The following LANCL2 variants were observed in gnomAD, a reference collection of about 807,000 sequenced individuals.
LANCL2 encodes the protein LanC like glutathione S-transferase 2, also known as lanC-like protein 2.
Under a neutral mutation model 56.9 loss-of-function variants are expected in LANCL2, and 33 were observed. That is an observed-to-expected ratio of 0.58 (90% CI 0.44 to 0.78). The LOEUF (loss-of-function observed/expected upper bound fraction) is 0.78, where lower values mean the gene tolerates loss of function less well. LANCL2 is among the 30% of genes least tolerant of loss of function. The pLI, the probability that LANCL2 is intolerant of heterozygous loss-of-function variation, is 0.00. For missense variants in LANCL2, 562 were observed against 580.2 expected, an observed-to-expected ratio of 0.97 and a Z score of 0.32; for synonymous variants, 233 against 228.2, an observed-to-expected ratio of 1.02 and a Z score of -0.19.
Position 55,386,405 on chromosome 7 carries a change from C to G in LANCL2, c.205-5388C>G, listed in dbSNP as rs182234088. 6.6e-5 allele frequency among the ~76,000 whole-genome samples: 10 copies of G among 152,306 alleles called. 1 individual carries two copies. In the East Asian group the frequency reaches 1.9e-3, roughly 29 times the overall value. On this transcript the variant is annotated intron_variant, in intron 1 of 8. Coordinates refer to ENST00000254770, the MANE Select transcript of LANCL2 (RefSeq NM_018697.4). ...CACATTCTTCTCTCATGGCTTCAGC[C>G]GGTCCCTCTGTTTGGGGGTCCCTGA...
intron 5 of LANCL2, among the ~76,000 whole-genome samples, chr7:55,406,649 A>G (rs1277678578): frequency 1.3e-5 from 2 of 152,222 alleles, no homozygotes; most frequent in Admixed American, 6.5e-5. Flanking sequence ...TTAGTCATGT[A>G]AAAGTGGTAG....
At chr7:55,417,909 A>C (rs752368164) in intron 6 of LANCL2, among the ~76,000 whole-genome samples, 1 of 151,900 alleles carries the variant, frequency 6.6e-6, no homozygotes. Context: ...CAAACTCCTG[A>C]GCTCAAGTGA....
At position 55,391,887 on chromosome 7, in the gene LANCL2, G is replaced by A; in HGVS notation, c.299G>A (p.Cys100Tyr). The A allele has an allele frequency of 5.6e-6, 9 of 1,603,426 alleles. No individual in the cohort carries two copies. Among genetic ancestry groups the A allele is most frequent in the East Asian group, 2.2e-5 (1 of 44,776 alleles). Residue 100 changes from cysteine to tyrosine, a missense_variant, in exon 2 of 9, where the codon TGC (cysteine) becomes TAC (tyrosine). Coordinates refer to ENST00000254770, the MANE Select transcript of LANCL2 (RefSeq NM_018697.4). The part of the protein sequence containing the change: ...EGLKTADPHD[C>Y]SAYTGWTGIA... ...CTGAAGACAGCTGATCCCCATGACT[G>A]CTCTGCTTATACTGGCTGGACAGGT...
chr7:55,396,795 G>T (rs115016077), intron 2 of LANCL2, among the ~76,000 whole-genome samples: 1,858 of 152,172 alleles, frequency 0.012, 37 homozygotes, highest in African/African-American at 0.043. Context: ...AGGTTCATAG[G>T]TTAATCAGAT....
chr7:55,409,329 T>C (rs1041323323), intron 5 of LANCL2, among the ~76,000 whole-genome samples: 1 of 151,854 alleles, frequency 6.6e-6, no homozygotes, highest in Non-Finnish European at 1.5e-5. Flanking sequence ...GACCTCATGA[T>C]CCACCCGCCT....
chr7:55,371,379 A>G (rs989983681), intron 1 of LANCL2, among the ~76,000 whole-genome samples: 2 of 152,182 alleles, frequency 1.3e-5, no homozygotes, highest in African/African-American at 4.8e-5. Flanking sequence ...AGGTACCACC[A>G]TGCCCAACTA....
intron 1 of LANCL2, among the ~76,000 whole-genome samples, chr7:55,373,540 C>A (rs553391383): frequency 6.6e-6 from 1 of 152,212 alleles, no homozygotes; most frequent in African/African-American, 2.4e-5. Context: ...AGCAATTCTC[C>A]TGTCCTGCCT....
intron 5 of LANCL2, among the ~76,000 whole-genome samples, chr7:55,405,124 C>T (rs1376700086): frequency 2.0e-5 from 3 of 152,224 alleles, no homozygotes; most frequent in African/African-American, 7.2e-5. Context: ...CATCTACAGT[C>T]CTAAGACCTG....
At chr7:55,401,742 C>G (rs554908020) in intron 5 of LANCL2, among the ~76,000 whole-genome samples, 1 of 126,484 alleles carries the variant, frequency 7.9e-6, no homozygotes, top group East Asian at 2.1e-4. Flanking sequence ...GGTGATGACT[C>G]TTAACGAGCA....
At position 55,366,198 on chromosome 7, in the gene LANCL2, A is replaced by G; in HGVS notation, c.173A>G (p.Glu58Gly). Residue 58 changes from glutamate to glycine, a missense_variant, in exon 1 of 9, where the codon GAG (glutamate) becomes GGG (glycine). Coordinates refer to ENST00000254770, the MANE Select transcript of LANCL2 (RefSeq NM_018697.4). Reference protein sequence around the residue: ...GCVRPPATTDEPGLPFHQDGK... With the variant: ...GCVRPPATTDGPGLPFHQDGK... Reference sequence around the variant, plus strand: ...GTTCGTCCCCCGGCGACCACGGATGAGCCCGGCCTCCCTTTTCATCAGGAC... The same window carrying G: ...GTTCGTCCCCCGGCGACCACGGATGGGCCCGGCCTCCCTTTTCATCAGGAC... 1.9e-6 allele frequency: 3 copies of G among 1,544,264 alleles called. No individual in the cohort carries two copies. The highest frequency in any genetic ancestry group is 2.6e-6 in the Non-Finnish European group (3 of 1,142,038).
intron 1 of LANCL2, among the ~76,000 whole-genome samples, chr7:55,390,674 G>A (rs1043259657): frequency 4.6e-5 from 7 of 151,746 alleles, no homozygotes; most frequent in Non-Finnish European, 8.8e-5. Flanking sequence ...CCAGCTACTC[G>A]GGAGGCTGAG....
chr7:55,388,876 G>A (rs1206722739), intron 1 of LANCL2, among the ~76,000 whole-genome samples: 1 of 152,096 alleles, frequency 6.6e-6, no homozygotes, highest in East Asian at 1.9e-4. Context: ...GTCAAGTGGG[G>A]CTTTTCCCGT....
intron 1 of LANCL2, among the ~76,000 whole-genome samples, chr7:55,374,979 A>G (rs932288444): frequency 5.3e-5 from 8 of 152,236 alleles, no homozygotes; most frequent in African/African-American, 1.9e-4. Context: ...AAGTTAGATT[A>G]AGTGTCTCAA....
chr7:55,404,586 A>G (rs1790383851), intron 5 of LANCL2, among the ~76,000 whole-genome samples: 1 of 152,032 alleles, frequency 6.6e-6, no homozygotes, highest in Non-Finnish European at 1.5e-5. Context: ...ATATATGCAT[A>G]TAGTTCATTT....
intron 1 of LANCL2, among the ~76,000 whole-genome samples, chr7:55,369,664 T>A (rs1789920847): frequency 6.6e-6 from 1 of 151,810 alleles, no homozygotes; most frequent in Middle Eastern, 3.2e-3. Flanking sequence ...TGAGCCCAGC[T>A]CTAGGAGCTG....
intron 6 of LANCL2, among the ~76,000 whole-genome samples, chr7:55,423,880 C>A (rs1055583283): frequency 6.6e-6 from 1 of 152,192 alleles, no homozygotes; most frequent in African/African-American, 2.4e-5. Flanking sequence ...GCGTCTGATT[C>A]CCTAACAGCC....
At chr7:55,382,504 G>A (rs2128991915) in intron 1 of LANCL2, among the ~76,000 whole-genome samples, 1 of 152,258 alleles carries the variant, frequency 6.6e-6, no homozygotes, top group African/African-American at 2.4e-5. Context: ...GGAGACCGGA[G>A]TTTTTTTACT....
At chr7:55,417,868 G>A (rs767329317) in intron 6 of LANCL2, among the ~76,000 whole-genome samples, 10 of 151,874 alleles carry the variant, frequency 6.6e-5, no homozygotes, top group African/African-American at 9.7e-5. Context: ...TAGTAGAGAC[G>A]GGGGTTTCAC....
intron 6 of LANCL2, among the ~76,000 whole-genome samples, chr7:55,413,817 C>G (rs1316663843): frequency 6.6e-6 from 1 of 152,210 alleles, no homozygotes; most frequent in Admixed American, 6.5e-5. Flanking sequence ...TTAATTCTGT[C>G]CTCTACATTA....
Sources: gnomAD v4.1 joint callset for allele counts (sites outside exome capture counted in the v4.1 genomes callset) on GRCh38, gnomAD v4.1.1 for gene constraint, MANE v1.5 for transcripts, NCBI Gene and HGNC (gene_info 2026-07-23, HGNC 2026-07-21) for gene names.